The following KCNIP4 variants were observed in gnomAD, a reference collection of about 807,000 sequenced individuals.
The protein encoded by KCNIP4 is potassium voltage-gated channel interacting protein 4.
KCNIP4 carries 12 observed loss-of-function variants against 34.0 expected under a neutral mutation model. That is an observed-to-expected ratio of 0.35 (90% confidence interval 0.23 to 0.57). The LOEUF is 0.57. Among genes scored for constraint, KCNIP4 ranks in the 20% least tolerant of loss-of-function variants. The pLI, the probability that KCNIP4 is intolerant of heterozygous loss-of-function variation, is 0.83. For missense variants in KCNIP4, 238 were observed against 311.7 expected (o/e 0.76, Z 1.78); for synonymous variants, 124 against 102.2 (o/e 1.21, Z -1.29).
intron 1 of KCNIP4, among the ~76,000 whole-genome samples, chr4:21,179,544 A>T (rs1328673657): frequency 1.3e-5 from 2 of 152,214 alleles, no homozygotes; most frequent in Non-Finnish European, 2.9e-5. Flanking sequence ...TTAGAAAAAT[A>T]GAAAATGTTA....
At chr4:21,445,850 G>A (rs915182392) in intron 1 of KCNIP4, among the ~76,000 whole-genome samples, 2 of 151,938 alleles carry the variant, frequency 1.3e-5, no homozygotes, top group Admixed American at 1.3e-4. Flanking sequence ...CACAGAATGG[G>A]AGAAAATTTT....
chr4:20,915,142 G>A (rs546088483), intron 1 of KCNIP4, among the ~76,000 whole-genome samples: 19 of 152,232 alleles, frequency 1.2e-4, no homozygotes, highest in Non-Finnish European at 2.1e-4. Context: ...TTTTCAAAGC[G>A]CCAACAAACG....
chr4:21,913,975 C>A (rs2108986477), intron 1 of KCNIP4, among the ~76,000 whole-genome samples: 1 of 152,190 alleles, frequency 6.6e-6, no homozygotes, highest in East Asian at 1.9e-4. Context: ...ATTTCAGGAA[C>A]CACACCCCCA....
At chr4:21,732,424 A>C (rs12509958) in intron 1 of KCNIP4, among the ~76,000 whole-genome samples, 46,374 of 152,100 alleles carry the variant, frequency 0.3, 8,230 homozygotes, top group East Asian at 0.68. Context: ...CAGAGGCGTA[A>C]TATTGATGAT....
intron 1 of KCNIP4, among the ~76,000 whole-genome samples, chr4:21,788,621 T>G (rs937529149): frequency 6.6e-6 from 1 of 152,132 alleles, no homozygotes; most frequent in Admixed American, 6.5e-5. Flanking sequence ...AAATTTACAG[T>G]TGATGTGGAG....
At chr4:21,550,817 A>C (rs1577579425) in intron 1 of KCNIP4, among the ~76,000 whole-genome samples, 1 of 152,204 alleles carries the variant, frequency 6.6e-6, no homozygotes, top group Non-Finnish European at 1.5e-5. Context: ...ATAAATTTTA[A>C]AATTTCAAAA....
At chr4:20,848,958 C>G (rs1720704184) in intron 3 of KCNIP4, among the ~76,000 whole-genome samples, 1 of 152,206 alleles carries the variant, frequency 6.6e-6, no homozygotes, top group Non-Finnish European at 1.5e-5. Flanking sequence ...CCTTTCCTTT[C>G]TGTCCTTGCT....
chr4:21,743,630 A>G (rs1320811647), intron 1 of KCNIP4, among the ~76,000 whole-genome samples: 3 of 151,466 alleles, frequency 2.0e-5, no homozygotes, highest in African/African-American at 7.3e-5. Context: ...TCCTTGACAC[A>G]ATTCCTTTTT....
intron 1 of KCNIP4, among the ~76,000 whole-genome samples, chr4:21,000,464 C>T (rs1485383159): frequency 2.6e-5 from 4 of 151,912 alleles, no homozygotes; most frequent in Non-Finnish European, 5.9e-5. Flanking sequence ...GCAGGCAGAT[C>T]ACATGAGGTC....
chr4:20,734,611 G>T lies in KCNIP4; in HGVS notation c.537+17C>A. 1 of 1,074,646 alleles carries T rather than the reference G, an allele frequency of 9.3e-7. No individual in the cohort carries two copies. The highest frequency in any genetic ancestry group is 1.3e-6 in the Non-Finnish European group (1 of 745,158). The allele number at this position is 1,074,646 out of a possible 1,614,324, so 66.6% of individuals were successfully genotyped here. A position where few individuals can be genotyped will look rare whatever the true frequency, so the allele number is the denominator to read the frequency against. ...AAATGGTCCAAATTACTGTGATGTTGGTGAGGCATCCCTTACCTCTTTAGT... is the reference window on the plus strand; with the variant it reads ...AAATGGTCCAAATTACTGTGATGTTTGTGAGGCATCCCTTACCTCTTTAGT... On this transcript the variant is annotated intron_variant, in intron 6 of 8. Transcript: ENST00000382152.
At chr4:21,608,825 A>G (rs182619296) in intron 1 of KCNIP4, 6 of 152,340 alleles carry the variant, frequency 3.9e-5, no homozygotes, top group African/African-American at 7.2e-5. Context: ...GAGTTCTCAA[A>G]GAAAATCAAG....
At chr4:21,270,944 C>T (rs1032345680) in intron 1 of KCNIP4, among the ~76,000 whole-genome samples, 5 of 143,226 alleles carry the variant, frequency 3.5e-5, no homozygotes, top group African/African-American at 1.3e-4. Flanking sequence ...TGAGATCACA[C>T]CATTGTACTC....
At chr4:21,936,245 G>A (rs548610920) in intron 1 of KCNIP4, among the ~76,000 whole-genome samples, 112 of 152,038 alleles carry the variant, frequency 7.4e-4, no homozygotes, top group African/African-American at 2.6e-3. Context: ...ATCATGGGGC[G>A]GTCCCCCCAT....
At chr4:21,502,504 G>A (rs1733451862) in intron 1 of KCNIP4, among the ~76,000 whole-genome samples, 1 of 151,922 alleles carries the variant, frequency 6.6e-6, no homozygotes, top group Non-Finnish European at 1.5e-5. Context: ...GTTTTTAGTG[G>A]GCACAGATTA....
At chr4:21,895,494 G>A (rs978696088) in intron 1 of KCNIP4, among the ~76,000 whole-genome samples, 3 of 152,118 alleles carry the variant, frequency 2.0e-5, no homozygotes, top group Admixed American at 2.0e-4. Flanking sequence ...TGTAACCACA[G>A]CAACCTCTCT....
intron 1 of KCNIP4, among the ~76,000 whole-genome samples, chr4:21,271,616 G>A (rs1254479654): frequency 1.3e-5 from 2 of 152,166 alleles, no homozygotes; most frequent in African/African-American, 4.8e-5. Flanking sequence ...CAGGGTAGGG[G>A]AGAGGATATA....
intron 1 of KCNIP4, among the ~76,000 whole-genome samples, chr4:21,585,209 C>A (rs1741519817): frequency 6.6e-6 from 1 of 151,994 alleles, no homozygotes. Context: ...GTGTTGTTCT[C>A]ATCTCCATCC....
intron 1 of KCNIP4, among the ~76,000 whole-genome samples, chr4:21,000,260 A>C (rs1737994100): frequency 2.0e-5 from 3 of 152,106 alleles, no homozygotes; most frequent in Admixed American, 6.5e-5. Flanking sequence ...GACTCCTCTA[A>C]TAAGTCGTCT....
chr4:21,094,291 C>T (rs1359667639), intron 1 of KCNIP4, among the ~76,000 whole-genome samples: 1 of 152,080 alleles, frequency 6.6e-6, no homozygotes, highest in African/African-American at 2.4e-5. Flanking sequence ...AGATTCAACA[C>T]AGAAAAATTA....
Sources: allele counts gnomAD v4.1 joint callset (sites outside exome capture counted in the v4.1 genomes callset), GRCh38; gene constraint gnomAD v4.1.1; transcripts MANE v1.5; gene names NCBI Gene and HGNC (gene_info 2026-07-23, HGNC 2026-07-21).